The following MYH10 variants were observed in gnomAD, a reference collection of about 807,000 sequenced individuals.
MYH10 encodes myosin-10.
In MYH10, 55 loss-of-function variants were observed where a neutral mutation model predicts 257.8. That is an observed-to-expected ratio of 0.21 (90% CI 0.17 to 0.27). The LOEUF (loss-of-function observed/expected upper bound fraction) is 0.27, where lower values mean the gene tolerates loss of function less well. MYH10 is among the 10% of genes least tolerant of loss of function. The pLI is 1.00. For missense variants in MYH10, 1,631 were observed against 2,500.6 expected (o/e 0.65, Z 7.42); for synonymous variants, 854 against 921.7 (o/e 0.93, Z 1.33).
At chr17:8,514,785 C>G (rs1226136623) in intron 21 of MYH10, among the ~76,000 whole-genome samples, 15 of 152,208 alleles carry the variant, frequency 9.9e-5, no homozygotes, top group Admixed American at 9.2e-4. Flanking sequence ...AGTCGGCTTT[C>G]TATCCCACCA....
At chr17:8,560,164 G>A (rs369412756) in intron 7 of MYH10, among the ~76,000 whole-genome samples, 16 of 151,798 alleles carry the variant, frequency 1.1e-4, no homozygotes, top group Non-Finnish European at 1.3e-4. Context: ...ATCAACATGC[G>A]GTTTAAGCTT....
chr17:8,564,138 C>T (rs190569748), intron 7 of MYH10, among the ~76,000 whole-genome samples: 22 of 152,282 alleles, frequency 1.4e-4, no homozygotes, highest in African/African-American at 3.1e-4. Context: ...TAACTGTGAA[C>T]GATTATTTTC....
In MYH10 at chr17:8,478,882, C is replaced by A. The variant is rs1228174105; in HGVS notation, c.5598-436G>T. ...AGTAGCTGGGATTACAAGGCATGCACCACCACGCTGGGCTAATTTGTGTAT... is the reference window on the plus strand; with the variant it reads ...AGTAGCTGGGATTACAAGGCATGCAACACCACGCTGGGCTAATTTGTGTAT... On this transcript the variant is annotated intron_variant, in intron 40 of 42. Transcript: ENST00000360416. 2.6e-5 allele frequency among the ~76,000 whole-genome samples: 4 copies of A among 152,220 alleles called. No individual in the cohort carries two copies. The East Asian group carries it at 7.7e-4, about 29-fold the overall frequency.
rs748983002 is a variant in MYH10, at chr17:8,476,916, C to A, written c.5839G>T (p.Gly1947Cys). 7 of 1,612,866 alleles carry A rather than the reference C, an allele frequency of 4.3e-6. No homozygotes were observed. The East Asian group carries it at 1.6e-4, about 36-fold the overall frequency. The change falls in exon 42 of 43, where the codon GGC (glycine) becomes TGC (cysteine). Residue 1947 changes from glycine to cysteine, a missense_variant. By Grantham distance (159) the Gly-to-Cys change is radical. Transcript: ENST00000360416. The part of the protein sequence containing the change: ...ELDDATEANE[G>C]LSREVSTLKN... The stretch of plus-strand genomic sequence containing the variant: ...AGGGTGCTGACCTCGCGGCTCAGGC[C>A]CTCGTTGGCCTCGGTGGCATCATCC...
chr17:8,499,201 G>A (rs1163029219), intron 30 of MYH10, 69 bp downstream of exon 30: 1 of 1,495,348 alleles, frequency 6.7e-7, no homozygotes, highest in Non-Finnish European at 9.1e-7. Context: ...TTATTGCACA[G>A]AGGGATACAA....
chr17:8,499,747 T>C (rs1378039297), intron 29 of MYH10, among the ~76,000 whole-genome samples: 1 of 152,220 alleles, frequency 6.6e-6, no homozygotes, highest in African/African-American at 2.4e-5. Flanking sequence ...AGGTGTGTCC[T>C]GTCTGCAGAG....
chr17:8,587,114 A>G (rs1366329168), intron 4 of MYH10, among the ~76,000 whole-genome samples: 1 of 152,174 alleles, frequency 6.6e-6, no homozygotes, highest in Non-Finnish European at 1.5e-5. Flanking sequence ...TGCCAGAGAA[A>G]GAGACACCAA....
At chr17:8,573,979 T>A in intron 6 of MYH10, 1 of 209,718 alleles carries the variant, frequency 4.8e-6, no homozygotes, top group Non-Finnish European at 8.3e-6. Flanking sequence ...GCAGTCTCTT[T>A]AAAAATGTTT....
At chr17:8,618,312 G>A (rs540383430) in intron 2 of MYH10, among the ~76,000 whole-genome samples, 4 of 150,086 alleles carry the variant, frequency 2.7e-5, no homozygotes, top group South Asian at 2.1e-4. Context: ...GCAATGGCAC[G>A]ATCTCAGCTC....
chr17:8,518,804 G>A lies in MYH10; in HGVS notation c.2344-13C>T, dbSNP rs201910205. On this transcript the variant is annotated splice_polypyrimidine_tract_variant and intron_variant, in intron 20 of 42. Coordinates refer to ENST00000360416, the MANE Select transcript of MYH10 (RefSeq NM_001256012.3). ...CTAAAGCCCGGATCTAAGAGAGAAA[G>A]AGTTTATTTACTTTTTTTAACTACA... is the stretch of plus-strand genomic sequence containing the variant. The A allele has an allele frequency of 5.6e-4, 899 of 1,606,016 alleles. 4 individuals carry two copies. The African/African-American group carries it at 0.011, about 20-fold the overall frequency.
At chr17:8,557,302 C>G (rs1353830652) in intron 7 of MYH10, among the ~76,000 whole-genome samples, 1 of 152,028 alleles carries the variant, frequency 6.6e-6, no homozygotes, top group Non-Finnish European at 1.5e-5. Context: ...CCCCATTTTC[C>G]TATTAAAAAA....
chr17:8,500,692 C>T (rs1037932919), intron 29 of MYH10, 134 bp downstream of exon 29: 48 of 1,099,544 alleles, frequency 4.4e-5, no homozygotes, highest in Non-Finnish European at 5.7e-5. Context: ...ACTGGGTACC[C>T]AGCAGCCCAC....
At chr17:8,599,604 A>C (rs1865726177) in intron 3 of MYH10, among the ~76,000 whole-genome samples, 2 of 152,172 alleles carry the variant, frequency 1.3e-5, no homozygotes. Flanking sequence ...GCCAGCAACC[A>C]TATCTGCCTA....
chr17:8,495,570 C>T (rs1916456176), intron 30 of MYH10, among the ~76,000 whole-genome samples: 1 of 152,192 alleles, frequency 6.6e-6, no homozygotes, highest in Admixed American at 6.5e-5. Flanking sequence ...GAAAGAGTGA[C>T]TGTATCCTCT....
At chr17:8,520,209 A>G (rs1267893261) in intron 19 of MYH10, among the ~76,000 whole-genome samples, 2 of 152,222 alleles carry the variant, frequency 1.3e-5, no homozygotes, top group East Asian at 3.8e-4. Flanking sequence ...ATCTATTTAA[A>G]AAATCAATTT....
At chr17:8,514,430 G>A (rs1210520664) in intron 21 of MYH10, among the ~76,000 whole-genome samples, 1 of 151,936 alleles carries the variant, frequency 6.6e-6, no homozygotes, top group Non-Finnish European at 1.5e-5. Context: ...TCTCATTTAC[G>A]GCCCGGCCTC....
chr17:8,497,738 C>CAAAAAAAAAAAAAAAAAAAAAAAAAAAAA (rs559562540), intron 30 of MYH10, among the ~76,000 whole-genome samples: 1 of 56,874 alleles, frequency 1.8e-5, no homozygotes, highest in Non-Finnish European at 2.9e-5. Flanking sequence ...GACTCTGTCT[C>CAAAAAAAAAAAAAAAAAAAAAAAAAAAAA]AAAAAAAAAA....
chr17:8,558,544 T>C (rs1308643222), intron 7 of MYH10, among the ~76,000 whole-genome samples: 8 of 151,286 alleles, frequency 5.3e-5, no homozygotes. Context: ...AGAGTAGGAG[T>C]CCTTGGCACA....
intron 4 of MYH10, among the ~76,000 whole-genome samples, chr17:8,583,794 C>T (rs1029695743): frequency 6.6e-6 from 1 of 152,120 alleles, no homozygotes; most frequent in South Asian, 2.1e-4. Flanking sequence ...ACAAAAACAT[C>T]GACTGTCACA....
Sources: allele counts gnomAD v4.1 joint callset (sites outside exome capture counted in the v4.1 genomes callset), GRCh38; gene constraint gnomAD v4.1.1; transcripts MANE v1.5; gene names NCBI Gene and HGNC (gene_info 2026-07-23, HGNC 2026-07-21).